Variants in AAGAB observed in about 807,000 individuals in gnomAD.
AAGAB encodes the protein alpha- and gamma-adaptin-binding protein p34.
A neutral mutation model predicts 44.1 loss-of-function variants in AAGAB; 38 were observed. The ratio of observed to expected loss-of-function variants is 0.86; its 90% CI spans 0.67 to 1.13. AAGAB has a LOEUF of 1.13. Ranked by LOEUF, AAGAB falls within the 50% of genes most tolerant of loss-of-function variation. AAGAB has a pLI of 0.00. For synonymous variants in AAGAB, 131 were observed against 131.8 expected (o/e 0.99, Z 0.04); for missense variants, 450 against 373.8 (o/e 1.20, Z -1.68).
rs545906027 is a variant in AAGAB at position 67,238,310 on chromosome 15, G to A, written c.74-1490C>T. On this transcript the variant is annotated intron_variant, in intron 1 of 9. Transcript: ENST00000261880. ...AGTTCTTTCTACTTAATTTCTACCC[G>A]AAGTCATAATCTTTTACTTAGTGTC... Among the ~76,000 whole-genome samples, 96 of 152,122 alleles carry A rather than the reference G, an allele frequency of 6.3e-4. 1 individual carries two copies. The highest frequency in any genetic ancestry group is 4.3e-4 in the Non-Finnish European group (29 of 67,996).
intron 5 of AAGAB, among the ~76,000 whole-genome samples, chr15:67,222,230 A>ACGCGCGCG (rs372896757): frequency 4.5e-5 from 6 of 133,848 alleles, no homozygotes; most frequent in East Asian, 4.5e-4. Flanking sequence ...ATGCACGCGC[A>ACGCGCGCG]CGCGCGCGCG....
chr15:67,251,236 CTGTGTGTGTG>C (rs55690815), intron 1 of AAGAB, among the ~76,000 whole-genome samples: 1 of 147,396 alleles, frequency 6.8e-6, no homozygotes, highest in African/African-American at 2.5e-5. Context: ...GTGTGTGTGT[CTGTGTGTGTG>C]TGTGTGTGTG....
intron 5 of AAGAB, among the ~76,000 whole-genome samples, chr15:67,222,066 C>A (rs1355918871): frequency 6.6e-6 from 1 of 152,132 alleles, no homozygotes; most frequent in Non-Finnish European, 1.5e-5. Flanking sequence ...CATCTTTTTA[C>A]TGACCCACTC....
intron 1 of AAGAB, among the ~76,000 whole-genome samples, chr15:67,237,761 G>A (rs1444703905): frequency 6.6e-6 from 1 of 152,038 alleles, no homozygotes; most frequent in Non-Finnish European, 1.5e-5. Context: ...GCCATTAATT[G>A]ACTTATCAGA....
At chr15:67,228,292 A>G (rs1009449173) in intron 5 of AAGAB, among the ~76,000 whole-genome samples, 3 of 152,348 alleles carry the variant, frequency 2.0e-5, no homozygotes, top group African/African-American at 7.2e-5. Flanking sequence ...TTCTAAATTG[A>G]TCCAGTTTAT....
intron 5 of AAGAB, among the ~76,000 whole-genome samples, chr15:67,228,402 C>T (rs1432269231): frequency 6.6e-6 from 1 of 152,124 alleles, no homozygotes; most frequent in African/African-American, 2.4e-5. Flanking sequence ...TGAATTTGTT[C>T]TGGTAACAGA....
At chr15:67,230,942 T>C (rs538673113) in intron 5 of AAGAB, among the ~76,000 whole-genome samples, 1 of 152,330 alleles carries the variant, frequency 6.6e-6, no homozygotes, top group African/African-American at 2.4e-5. Context: ...GACTCACCAA[T>C]TTTTACAGGA....
At chr15:67,241,040 T>TACACACACACACACACACACAC (rs10525823) in intron 1 of AAGAB, among the ~76,000 whole-genome samples, 57 of 147,182 alleles carry the variant, frequency 3.9e-4, no homozygotes, top group East Asian at 3.4e-3. Flanking sequence ...TCTGTTCTCC[T>TACACACACACACACACACACAC]ACACACACAC....
intron 5 of AAGAB, among the ~76,000 whole-genome samples, chr15:67,225,727 C>T (rs79005079): frequency 0.014 from 2,176 of 152,288 alleles, 18 homozygotes; most frequent in Non-Finnish European, 0.025. Flanking sequence ...TATATTCATG[C>T]TTCATTTTTA....
At chr15:67,207,988 T>C (rs1963723637) in intron 7 of AAGAB, among the ~76,000 whole-genome samples, 1 of 152,202 alleles carries the variant, frequency 6.6e-6, no homozygotes, top group Non-Finnish European at 1.5e-5. Context: ...AGTAGGAATA[T>C]CAGTAGTTCC....
At chr15:67,204,428 G>A (rs1055178537) in intron 7 of AAGAB, among the ~76,000 whole-genome samples, 1 of 152,182 alleles carries the variant, frequency 6.6e-6, no homozygotes, top group Non-Finnish European at 1.5e-5. Context: ...ACTTGCCGAG[G>A]TGACAGCTAG....
At chr15:67,223,471 A>G (rs900737694) in intron 5 of AAGAB, among the ~76,000 whole-genome samples, 1 of 152,032 alleles carries the variant, frequency 6.6e-6, no homozygotes, top group East Asian at 1.9e-4. Context: ...TCTTTTTCTC[A>G]TATCTCATAT....
intron 5 of AAGAB, among the ~76,000 whole-genome samples, chr15:67,230,836 C>T (rs932038466): frequency 4.6e-5 from 7 of 152,162 alleles, no homozygotes; most frequent in Admixed American, 6.5e-5. Context: ...GCTCTGGTCT[C>T]CCTTAACTTC....
At position 67,236,623 on chromosome 15, in the gene AAGAB, G is replaced by T. The variant is rs1207908419; in HGVS notation, c.264+7C>A. On this transcript the variant is annotated splice_region_variant and intron_variant, in intron 2 of 9. Transcript: ENST00000261880. ...TATTCAAGCCTTCATAGAAAACAAA[G>T]TCTTACTTGTGTGCTGTCAAAGTAA... The T allele has an allele frequency of 6.2e-7, 1 of 1,611,770 alleles. No individual in the cohort carries two copies. The highest frequency in any genetic ancestry group is 1.7e-5 in the Admixed American group (1 of 59,688).
intron 1 of AAGAB, chr15:67,254,342 G>A: frequency 7.6e-7 from 1 of 1,318,336 alleles, no homozygotes; most frequent in Non-Finnish European, 9.9e-7. Context: ...ACTTTACACA[G>A]GAAGCCGAAA....
chr15:67,204,973 A>G lies in AAGAB; in HGVS notation c.716-825T>C, dbSNP rs113462567. 4.5e-3 allele frequency among the ~76,000 whole-genome samples: 681 copies of G among 152,342 alleles called. 6 individuals carry two copies. Among genetic ancestry groups the G allele is most frequent in the African/African-American group, 0.016 (646 of 41,578 alleles). ...TACTTTAATAAGTACTACTACCATA[A>G]GAGAGAATTTGCTTTGGATCTGCAC... On this transcript the variant is annotated intron_variant, in intron 7 of 9. Coordinates refer to ENST00000261880, the MANE Select transcript of AAGAB (RefSeq NM_024666.5).
rs1424997752 is a variant in AAGAB, at chr15:67,202,828, T to C, written c.941A>G (p.Glu314Gly). The change falls in exon 10 of 10, where the codon GAG becomes GGG. Residue 314 changes from glutamate (E) to glycine (G), a missense_variant. Physicochemically the swap from Glu to Gly is moderately conservative, Grantham distance 98. Coordinates refer to ENST00000261880, the MANE Select transcript of AAGAB (RefSeq NM_024666.5). ...AACCCTAGTATGAATAATTCAGTGCTCTTCATCAGATGAAAGGCCTTCAAT... is the reference window on the plus strand; with the variant it reads ...AACCCTAGTATGAATAATTCAGTGCCCTTCATCAGATGAAAGGCCTTCAAT... ...DEIEGLSSDE[E>G]H The C allele has an allele frequency of 4.3e-6, 7 of 1,613,830 alleles. No individual in the cohort carries two copies. The highest frequency in any genetic ancestry group is 1.3e-5 in the African/African-American group (1 of 74,918).
intron 5 of AAGAB, among the ~76,000 whole-genome samples, chr15:67,223,523 A>G (rs1424597761): frequency 1.3e-5 from 2 of 151,966 alleles, no homozygotes; most frequent in African/African-American, 2.4e-5. Context: ...CTCACAATAT[A>G]CCTAGAATTC....
intron 5 of AAGAB, among the ~76,000 whole-genome samples, chr15:67,219,255 G>A (rs1034618864): frequency 6.6e-6 from 1 of 152,176 alleles, no homozygotes; most frequent in Non-Finnish European, 1.5e-5. Flanking sequence ...CACTGTATAT[G>A]TGTTTATGTA....
Sources: allele counts gnomAD v4.1 joint callset (sites outside exome capture counted in the v4.1 genomes callset), GRCh38; gene constraint gnomAD v4.1.1; transcripts MANE v1.5; gene names NCBI Gene and HGNC (gene_info 2026-07-23, HGNC 2026-07-21).